The following PFKFB3 variants were observed in gnomAD, a reference collection of about 807,000 sequenced individuals.
PFKFB3 encodes 6-phosphofructo-2-kinase/fructose-2,6-biphosphatase 3, also known as 6-phosphofructo-2-kinase/fructose-2,6-bisphosphatase 3.
PFKFB3 carries 33 observed loss-of-function variants against 68.0 expected under a neutral mutation model. The observed-to-expected ratio is 0.49, with a 90% confidence interval of 0.37 to 0.65. The LOEUF is 0.65. PFKFB3 is among the 30% of genes least tolerant of loss of function. The pLI, the probability that PFKFB3 is intolerant of heterozygous loss-of-function variation, is 0.00. For synonymous variants in PFKFB3, 315 were observed against 288.2 expected, an observed-to-expected ratio of 1.09 and a Z score of -0.94; for missense variants, 586 against 712.2, an observed-to-expected ratio of 0.82 and a Z score of 2.02.
At position 6,206,623 on chromosome 10, in the gene PFKFB3, G is replaced by A. The variant is rs1407532130; in HGVS notation, c.76+3287G>A. On this transcript the variant is annotated intron_variant, in intron 1 of 14. Transcript: ENST00000379775. ...CTCCCGGACGGGGTGGCTGCCGGGC[G>A]GAGACGCTCCTCACATCCCAGATGG... Among the ~76,000 whole-genome samples the A allele has an allele frequency of 4.5e-3, 662 of 148,082 alleles. 6 individuals carry two copies. The highest frequency in any genetic ancestry group is 0.016 in the African/African-American group (608 of 39,120).
At chr10:6,164,068 T>C (rs1842052171) in intron 1 of PFKFB3, 1 of 152,180 alleles carries the variant, frequency 6.6e-6, no homozygotes, top group Non-Finnish European at 1.5e-5. Context: ...AGGCCGCAGA[T>C]GAGGAAACAG....
intron 13 of PFKFB3, 53 bp from the exon 14 acceptor site, chr10:6,226,139 C>T (rs1230825257): frequency 1.4e-6 from 2 of 1,461,028 alleles, no homozygotes; most frequent in Non-Finnish European, 1.8e-6. Flanking sequence ...GCTAATTTTC[C>T]TCCCCTTCTT....
the PFKFB3 span, among the ~76,000 whole-genome samples, chr10:6,268,178 G>A: frequency 6.6e-6 from 1 of 151,988 alleles, no homozygotes; most frequent in African/African-American, 2.4e-5. Context: ...ATTAGGTGTG[G>A]AATTCTTGGC....
intron 1 of PFKFB3, among the ~76,000 whole-genome samples, chr10:6,183,539 A>G (rs1842776760): frequency 6.6e-6 from 1 of 151,018 alleles, no homozygotes; most frequent in South Asian, 2.1e-4. Context: ...CTGTAATCCC[A>G]GCACTTTGGG....
chr10:6,200,055 C>T (rs879738817), upstream of PFKFB3, among the ~76,000 whole-genome samples: 3 of 151,998 alleles, frequency 2.0e-5, no homozygotes, highest in Non-Finnish European at 2.9e-5. Flanking sequence ...CAACAAAAAC[C>T]CCAGCAAACT....
chr10:6,251,952 A>T (rs1846391303), intron 14 of PFKFB3, among the ~76,000 whole-genome samples: 1 of 152,200 alleles, frequency 6.6e-6, no homozygotes, highest in Non-Finnish European at 1.5e-5. Flanking sequence ...TGGGTGACAG[A>T]GTGAGACTCT....
At chr10:6,289,281 T>C in the PFKFB3 span, among the ~76,000 whole-genome samples, 26 of 151,254 alleles carry the variant, frequency 1.7e-4, no homozygotes, top group African/African-American at 5.1e-4. Flanking sequence ...TCCTTGCCCA[T>C]GCCTATGTCC....
At chr10:6,155,194 C>G (rs907631049) in intron 1 of PFKFB3, among the ~76,000 whole-genome samples, 3 of 135,094 alleles carry the variant, frequency 2.2e-5, no homozygotes, top group African/African-American at 7.7e-5. Flanking sequence ...AAAGCACTTA[C>G]GAGTTTTTTT....
intron 14 of PFKFB3, among the ~76,000 whole-genome samples, chr10:6,232,392 A>G (rs1207192914): frequency 6.6e-6 from 1 of 152,020 alleles, no homozygotes; most frequent in African/African-American, 2.4e-5. Context: ...CACCACGTCC[A>G]GCCATTCCAT....
In PFKFB3 at chr10:6,184,177, C is replaced by G. The variant is rs192331865; in HGVS notation, c.17-29446C>G. Among the ~76,000 whole-genome samples, 811 of 151,772 alleles carry G rather than the reference C, an allele frequency of 5.3e-3. 8 individuals are homozygous for G. The highest frequency in any genetic ancestry group is 0.019 in the African/African-American group (773 of 41,352). On this transcript the variant is annotated intron_variant, in intron 1 of 14. Transcript: ENST00000379789. The stretch of plus-strand genomic sequence containing the variant: ...AAGTGATCCTTGTGCGTCAGCCTCC[C>G]GAGTAGCTGGGGTTGTAGGTGCCCA...
chr10:6,226,393 C>T, intron 14 of PFKFB3, 28 bp downstream of exon 14: 1 of 1,575,738 alleles, frequency 6.3e-7, no homozygotes. Context: ...TCCTTCCTGC[C>T]TGGGGGACGC....
chr10:6,174,522 T>C (rs1389711511), intron 1 of PFKFB3, among the ~76,000 whole-genome samples: 1 of 152,182 alleles, frequency 6.6e-6, no homozygotes, highest in Non-Finnish European at 1.5e-5. Context: ...TGGAGCTGCC[T>C]GCGGCCCCCG....
chr10:6,169,915 C>T (rs12573360), intron 1 of PFKFB3, among the ~76,000 whole-genome samples: 1,651 of 152,292 alleles, frequency 0.011, 69 homozygotes, highest in East Asian at 0.1. Context: ...GGGTCTAGGA[C>T]ACTGAGAAGA....
chr10:6,237,855 C>T (rs919381281), downstream of PFKFB3, among the ~76,000 whole-genome samples: 2 of 151,918 alleles, frequency 1.3e-5, no homozygotes, highest in African/African-American at 2.4e-5. Flanking sequence ...CGTGTGCCAC[C>T]ACGCCCAGCT....
intron 14 of PFKFB3, among the ~76,000 whole-genome samples, chr10:6,244,492 C>T (rs12246508): frequency 0.16 from 23,988 of 152,030 alleles, 2,007 homozygotes; most frequent in Non-Finnish European, 0.19. Flanking sequence ...AGAATTTGGG[C>T]GCAGCATCCA....
At chr10:6,224,066 C>T in intron 12 of PFKFB3, 46 bp downstream of exon 12, 3 of 1,612,504 alleles carry the variant, frequency 1.9e-6, no homozygotes, top group Middle Eastern at 1.7e-4. Context: ...AAGGTGGCCA[C>T]AGTAGCTTCT....
At position 6,147,028 on chromosome 10, in the gene PFKFB3, G is replaced by C. The variant is rs1434070253; in HGVS notation, c.16+2015G>C. Among the ~76,000 whole-genome samples the C allele has an allele frequency of 2.0e-5, 3 of 152,154 alleles. No individual in the cohort carries two copies. In the East Asian group the frequency reaches 5.8e-4, roughly 29 times the overall value. On this transcript the variant is annotated intron_variant, in intron 1 of 14. Coordinates refer to the PFKFB3 transcript ENST00000379789. ...GGCACAGGCTCTTGGAGGCTTTATC[G>C]AGGCAGAGCTTCCCCAGTTGCAGGT...
chr10:6,256,370 C>T (rs1278280862), downstream of PFKFB3, among the ~76,000 whole-genome samples: 4 of 152,160 alleles, frequency 2.6e-5, no homozygotes, highest in Admixed American at 6.5e-5. Context: ...TCAGTTTCGT[C>T]ATCCCTCATG....
intron 1 of PFKFB3, among the ~76,000 whole-genome samples, chr10:6,171,782 G>A (rs1443540389): frequency 6.6e-6 from 1 of 152,258 alleles, no homozygotes. Flanking sequence ...TAAACAGGTT[G>A]TTGGGGGTAG....
Sources: allele counts gnomAD v4.1 joint callset (sites outside exome capture counted in the v4.1 genomes callset), GRCh38; gene constraint gnomAD v4.1.1; transcripts MANE v1.5; gene names NCBI Gene and HGNC (gene_info 2026-07-23, HGNC 2026-07-21).